Variants in GNA12 observed in about 807,000 individuals in gnomAD.
GNA12 encodes G protein subunit alpha 12.
A neutral mutation model predicts 26.0 loss-of-function variants in GNA12; 9 were observed. The observed-to-expected ratio is 0.35, with a 90% confidence interval of 0.21 to 0.60. The LOEUF is 0.60. Among genes scored for constraint, GNA12 ranks in the 20% least tolerant of loss-of-function variants. GNA12 has a pLI of 0.78. For missense variants in GNA12, 405 were observed against 525.8 expected (o/e 0.77, Z 2.25); for synonymous variants, 264 against 219.6 (o/e 1.20, Z -1.79).
intron 2 of GNA12, among the ~76,000 whole-genome samples, chr7:2,778,389 GC>G (rs2115431379): frequency 6.6e-6 from 1 of 152,260 alleles, no homozygotes; most frequent in African/African-American, 2.4e-5. Context: ...GCCCATCTGT[GC>G]CACCTCCCTC....
intron 2 of GNA12, among the ~76,000 whole-genome samples, chr7:2,758,849 A>G (rs958268999): frequency 6.6e-6 from 1 of 152,236 alleles, no homozygotes; most frequent in Non-Finnish European, 1.5e-5. Context: ...GCATGTATCA[A>G]CATGATGGGT....
chr7:2,760,184 A>G (rs1740829302), intron 2 of GNA12, among the ~76,000 whole-genome samples: 1 of 152,146 alleles, frequency 6.6e-6, no homozygotes, highest in Non-Finnish European at 1.5e-5. Flanking sequence ...CTGCCTGGGG[A>G]AGGAGTGGAG....
rs1768368210 is a variant in GNA12 at position 2,731,158 on chromosome 7, G to A, written c.*23C>T. On this transcript the variant is annotated 3_prime_UTR_variant, in exon 4 of 4. Coordinates refer to ENST00000275364, the MANE Select transcript of GNA12 (RefSeq NM_007353.3). The surrounding 1 kb of genome is among the most constrained non-coding windows in gnomAD (Gnocchi z 6.0). ...ACAGCCGTGGGGGCTGCTCAACGAC[G>A]ACAAACCCCGGGGCTTCCTCGCTCA... 1.1e-5 allele frequency: 17 copies of A among 1,559,802 alleles called. No homozygotes were observed. The highest frequency in any genetic ancestry group is 1.4e-5 in the Non-Finnish European group (16 of 1,141,516).
chr7:2,811,160 G>A (rs899637145), intron 1 of GNA12, among the ~76,000 whole-genome samples: 23 of 152,240 alleles, frequency 1.5e-4, no homozygotes, highest in African/African-American at 5.5e-4. Flanking sequence ...CCCCCAGGCT[G>A]TGCACACGTG....
intron 2 of GNA12, among the ~76,000 whole-genome samples, chr7:2,772,712 C>T (rs1369179850): frequency 6.6e-6 from 1 of 152,192 alleles, no homozygotes; most frequent in Non-Finnish European, 1.5e-5. Context: ...AACTGTCCCA[C>T]ACTGCTGGAG....
In GNA12 at chr7:2,751,410, A is replaced by C. The variant is rs571184356; in HGVS notation, c.526-17909T>G. ...TTTCAAAGAAAAAAGAAAAAAAAAA[A>C]AAACAGCTTATAGAAGAGAAAAAAT... is the stretch of plus-strand genomic sequence containing the variant. On this transcript the variant is annotated intron_variant, in intron 2 of 3. Transcript: ENST00000275364. Among the ~76,000 whole-genome samples the C allele has an allele frequency of 2.0e-4, 31 of 151,946 alleles. No homozygotes were observed. In the South Asian group the frequency reaches 2.9e-3, roughly 14 times the overall value.
Position 2,844,142 on chromosome 7 carries a change from G to C in GNA12, c.20C>G (p.Thr7Ser), listed in dbSNP as rs1472157324. 2.0e-5 allele frequency: 20 copies of C among 986,018 alleles called. No individual in the cohort carries two copies. The highest frequency in any genetic ancestry group is 1.3e-4 in the Admixed American group (2 of 15,952). 61.1% of individuals were successfully genotyped at this position (986,018 alleles called of 1,614,324 possible). A position where few individuals can be genotyped will look rare whatever the true frequency, so the allele number is the denominator to read the frequency against. The change falls in exon 1 of 4, where the codon ACC (threonine) becomes AGC (serine). Residue 7 changes from threonine (T) to serine (S), a missense_variant. Coordinates refer to ENST00000275364, the MANE Select transcript of GNA12 (RefSeq NM_007353.3). MSGVVR[T>S]LSRCLLPAEA... ...GGCCGGCAGCAGGCAGCGGCTGAGGGTCCGCACCACCCCGGACATGGCCCC... is the reference window on the plus strand; with the variant it reads ...GGCCGGCAGCAGGCAGCGGCTGAGGCTCCGCACCACCCCGGACATGGCCCC...
At chr7:2,765,145 GCTGA>G (rs936020411) in intron 2 of GNA12, 5 of 151,566 alleles carry the variant, frequency 3.3e-5, no homozygotes, top group African/African-American at 7.3e-5. Context: ...AGAATCACAG[GCTGA>G]CTTTTTTTTT....
At chr7:2,734,537 A>G (rs907485843) in intron 2 of GNA12, among the ~76,000 whole-genome samples, 2 of 152,230 alleles carry the variant, frequency 1.3e-5, no homozygotes, top group Admixed American at 6.5e-5. Flanking sequence ...AGAATGGACT[A>G]CGTGATGGCG....
intron 1 of GNA12, among the ~76,000 whole-genome samples, chr7:2,809,054 A>C (rs1793015997): frequency 6.6e-6 from 1 of 152,090 alleles, no homozygotes; most frequent in Non-Finnish European, 1.5e-5. Context: ...ATCTTATCCA[A>C]AACTGCACCC....
At chr7:2,830,848 G>A (rs575862966) in intron 1 of GNA12, among the ~76,000 whole-genome samples, 5 of 152,192 alleles carry the variant, frequency 3.3e-5, no homozygotes, top group African/African-American at 4.8e-5. Flanking sequence ...GGCTGAGGTC[G>A]GAAGATCACT....
At chr7:2,835,177 A>G (rs182214174) in intron 1 of GNA12, among the ~76,000 whole-genome samples, 10 of 152,330 alleles carry the variant, frequency 6.6e-5, no homozygotes, top group East Asian at 3.9e-4. Context: ...CGCATCACAC[A>G]TAAGTCAGGG....
At chr7:2,732,211 G>A (rs115045691) in intron 3 of GNA12, among the ~76,000 whole-genome samples, 1,821 of 152,164 alleles carry the variant, frequency 0.012, 50 homozygotes, top group African/African-American at 0.042. Flanking sequence ...AGTCTTTAGC[G>A]ACACACAGGC....
intron 2 of GNA12, among the ~76,000 whole-genome samples, chr7:2,793,610 T>C (rs1005494727): frequency 3.3e-5 from 5 of 152,106 alleles, no homozygotes; most frequent in African/African-American, 2.4e-5. Flanking sequence ...GGGTGGGGCA[T>C]GGTGGCTCAC....
intron 1 of GNA12, among the ~76,000 whole-genome samples, chr7:2,798,571 C>T (rs1017961058): frequency 2.0e-5 from 3 of 152,168 alleles, no homozygotes; most frequent in African/African-American, 7.2e-5. Context: ...AGATTCAACA[C>T]GGTACCAATA....
intron 2 of GNA12, among the ~76,000 whole-genome samples, chr7:2,759,828 C>T (rs570108618): frequency 2.0e-5 from 3 of 152,304 alleles, no homozygotes; most frequent in East Asian, 1.9e-4. Context: ...GTTTCTGCAA[C>T]GGGTGCAGAT....
chr7:2,812,667 A>ACATCT, intron 1 of GNA12, among the ~76,000 whole-genome samples: 1 of 150,406 alleles, frequency 6.6e-6, no homozygotes, highest in Non-Finnish European at 1.5e-5. Flanking sequence ...ACATCACATC[A>ACATCT]CATCACATCA....
At chr7:2,787,735 G>C (rs1319786952) in intron 2 of GNA12, among the ~76,000 whole-genome samples, 2 of 152,264 alleles carry the variant, frequency 1.3e-5, no homozygotes, top group African/African-American at 4.8e-5. Context: ...CCGGGGGTAA[G>C]TGTCATTTCG....
intron 2 of GNA12, among the ~76,000 whole-genome samples, chr7:2,774,856 C>A (rs1444875480): frequency 6.6e-6 from 1 of 152,130 alleles, no homozygotes; most frequent in African/African-American, 2.4e-5. Context: ...ACTGAGCCAC[C>A]TTCTTACCTG....
Sources: gnomAD v4.1 joint callset for allele counts (sites outside exome capture counted in the v4.1 genomes callset) on GRCh38, gnomAD v4.1.1 for gene constraint, Gnocchi (gnomAD v3.1) non-coding constraint, MANE v1.5 for transcripts, NCBI Gene and HGNC (gene_info 2026-07-23, HGNC 2026-07-21) for gene names.